The following CAST variants were observed in gnomAD, a reference collection of about 807,000 sequenced individuals.
CAST encodes MIR583 host.
CAST carries 76 observed loss-of-function variants against 119.6 expected under a neutral mutation model. The ratio of observed to expected loss-of-function variants is 0.64; its 90% confidence interval spans 0.53 to 0.77. The LOEUF is 0.77. Ranked by LOEUF, CAST falls within the 30% of genes least tolerant of loss-of-function variation. CAST has a pLI of 0.00. For missense variants in CAST, 953 were observed against 946.5 expected, an observed-to-expected ratio of 1.01 and a Z score of -0.09; for synonymous variants, 319 against 331.6, an observed-to-expected ratio of 0.96 and a Z score of 0.41.
chr5:96,366,208 G>A, the CAST span, among the ~76,000 whole-genome samples: 3 of 152,216 alleles, frequency 2.0e-5, no homozygotes, highest in Admixed American at 2.0e-4. Context: ...CTGTTAGTCT[G>A]ATGGGCTTCC....
At chr5:96,078,039 T>C in the CAST span, among the ~76,000 whole-genome samples, 2 of 152,180 alleles carry the variant, frequency 1.3e-5, no homozygotes, top group African/African-American at 4.8e-5. Context: ...ATTTAGCAGA[T>C]GTAACTATTA....
At chr5:96,509,987 C>T in the CAST span, among the ~76,000 whole-genome samples, 25 of 152,004 alleles carry the variant, frequency 1.6e-4, no homozygotes, top group Admixed American at 1.6e-3. Context: ...ACTTTTATAA[C>T]GTTGTGGATT....
chr5:96,412,752 G>GTTTTTTTTTTTTTTTTTTT, the CAST span, among the ~76,000 whole-genome samples: 62 of 71,802 alleles, frequency 8.6e-4, 15 homozygotes, highest in African/African-American at 5.1e-3. Flanking sequence ...CAGCTGTGAT[G>GTTTTTTTTTTTTTTTTTTT]TTTTTTTTTT....
At chr5:96,637,748 A>G (rs1747903444) in intron 1 of CAST, among the ~76,000 whole-genome samples, 1 of 152,312 alleles carries the variant, frequency 6.6e-6, no homozygotes, top group African/African-American at 2.4e-5. Flanking sequence ...CACTAGTTGC[A>G]TTTTTGGGCA....
At chr5:96,063,992 A>T in the CAST span, among the ~76,000 whole-genome samples, 3 of 152,112 alleles carry the variant, frequency 2.0e-5, no homozygotes, top group African/African-American at 4.8e-5. Flanking sequence ...AGCATACATG[A>T]TCCATTCCTC....
chr5:96,622,366 C>A (rs984562044), intron 1 of CAST, among the ~76,000 whole-genome samples: 1 of 152,166 alleles, frequency 6.6e-6, no homozygotes. Flanking sequence ...CCACTAGCTG[C>A]CAATGATTTT....
the CAST span, among the ~76,000 whole-genome samples, chr5:96,228,697 A>G: frequency 1.3e-5 from 2 of 152,220 alleles, no homozygotes; most frequent in African/African-American, 2.4e-5. Context: ...AGAGGTAACC[A>G]TTGTGAGTCA....
chr5:96,396,220 T>C, the CAST span, among the ~76,000 whole-genome samples: 1 of 152,192 alleles, frequency 6.6e-6, no homozygotes, highest in Non-Finnish European at 1.5e-5. Flanking sequence ...ATAGAATTTG[T>C]ATTAATTTAA....
chr5:96,313,316 T>C, the CAST span, among the ~76,000 whole-genome samples: 1 of 152,168 alleles, frequency 6.6e-6, no homozygotes, highest in Non-Finnish European at 1.5e-5. Context: ...TATTTCCTCA[T>C]GACCCTTTGT....
the CAST span, among the ~76,000 whole-genome samples, chr5:96,359,949 C>T: frequency 6.6e-6 from 1 of 152,162 alleles, no homozygotes; most frequent in South Asian, 2.1e-4. Context: ...GTTCCATTCT[C>T]CCCGTCACTT....
the CAST span, among the ~76,000 whole-genome samples, chr5:96,053,123 C>G: frequency 6.6e-6 from 1 of 152,124 alleles, no homozygotes; most frequent in Non-Finnish European, 1.5e-5. Flanking sequence ...CTTTAAGGAT[C>G]TGGTCTTTTA....
chr5:96,552,129 C>T (rs1746142598), intron 1 of CAST, among the ~76,000 whole-genome samples: 1 of 152,152 alleles, frequency 6.6e-6, no homozygotes, highest in Non-Finnish European at 1.5e-5. Flanking sequence ...TTCTCAGCAC[C>T]ACATCGCACT....
chr5:96,675,494 T>G, intron 1 of CAST, 45 bp from the exon 2 acceptor site: 2 of 1,346,598 alleles, frequency 1.5e-6, no homozygotes, highest in Non-Finnish European at 2.1e-6. Context: ...TACTGTCATC[T>G]GTGTCATCTT....
the CAST span, chr5:96,434,164 A>G: frequency 6.6e-6 from 1 of 152,196 alleles, no homozygotes; most frequent in East Asian, 1.9e-4. Context: ...CTCTTTGTGG[A>G]AAAATGGTTT....
At chr5:96,109,651 G>A in the CAST span, among the ~76,000 whole-genome samples, 3 of 152,332 alleles carry the variant, frequency 2.0e-5, no homozygotes, top group African/African-American at 4.8e-5. Context: ...AGAGAGGTGG[G>A]AAGGAAGTGT....
chr5:96,506,815 G>T, the CAST span, among the ~76,000 whole-genome samples: 1 of 152,180 alleles, frequency 6.6e-6, no homozygotes, highest in Non-Finnish European at 1.5e-5. Context: ...GGGGCCTGAG[G>T]CTTTGACTGC....
the CAST span, chr5:96,408,152 A>G: frequency 9.1e-7 from 1 of 1,103,996 alleles, no homozygotes; most frequent in African/African-American, 1.7e-5. Flanking sequence ...ATGTATTCAG[A>G]AAAAAAAGTG....
the CAST span, among the ~76,000 whole-genome samples, chr5:96,496,788 T>A: frequency 6.6e-6 from 1 of 152,224 alleles, no homozygotes; most frequent in Non-Finnish European, 1.5e-5. Context: ...AGAATTAGCA[T>A]ATTTATTGCA....
chr5:96,393,435 A>G, the CAST span: 2 of 1,601,610 alleles, frequency 1.2e-6, no homozygotes, highest in Non-Finnish European at 1.7e-6. Flanking sequence ...ATGGCCAGGC[A>G]AGCTAGTTGC....
Sources: gnomAD v4.1 joint callset for allele counts (sites outside exome capture counted in the v4.1 genomes callset) on GRCh38, gnomAD v4.1.1 for gene constraint, MANE v1.5 for transcripts, NCBI Gene and HGNC (gene_info 2026-07-23, HGNC 2026-07-21) for gene names.